NHSL3: variants seen among roughly 807,000 people sequenced by gnomAD.
NHSL3 encodes NHS-like protein 3.
At chr1:32,772,198 T>G in the NHSL3 span, 3 of 1,612,558 alleles carry the variant, frequency 1.9e-6, no homozygotes, top group African/African-American at 2.7e-5. Flanking sequence ...CCGGAGCATC[T>G]CAGAGCAGCG....
At chr1:32,772,978 C>T in the NHSL3 span, 9 of 1,298,878 alleles carry the variant, frequency 6.9e-6, no homozygotes, top group Middle Eastern at 3.7e-4. Flanking sequence ...ATACAGCAGA[C>T]ACAACCTAAT....
chr1:32,753,046 A>G, the NHSL3 span, among the ~76,000 whole-genome samples: 1 of 147,268 alleles, frequency 6.8e-6, no homozygotes, highest in Admixed American at 6.8e-5. Context: ...TTGGCTCACT[A>G]CAACCTCCAC....
chr1:32,766,896 G>GGGGCCAGGGCCA, the NHSL3 span, among the ~76,000 whole-genome samples: 2 of 152,168 alleles, frequency 1.3e-5, no homozygotes, highest in African/African-American at 2.4e-5. Flanking sequence ...CTCTGCAACA[G>GGGGCCAGGGCCA]GGGCCAGGGC....
the NHSL3 span, among the ~76,000 whole-genome samples, chr1:32,755,845 C>T: frequency 6.6e-6 from 1 of 152,208 alleles, no homozygotes; most frequent in Admixed American, 6.5e-5. Context: ...CTGTCTGTGC[C>T]TACCTGTCTC....
the NHSL3 span, chr1:32,771,610 C>G: frequency 6.2e-7 from 1 of 1,613,238 alleles, no homozygotes; most frequent in Non-Finnish European, 8.5e-7. Context: ...CTCCCCAGAG[C>G]TTGTCAGCTC....
the NHSL3 span, chr1:32,742,216 C>T: frequency 8.1e-7 from 1 of 1,239,032 alleles, no homozygotes. Context: ...CTGGGCTGAG[C>T]GCGGGGGGGC....
chr1:32,770,562 G>A, the NHSL3 span: 1 of 1,524,650 alleles, frequency 6.6e-7, no homozygotes, highest in Admixed American at 2.1e-5. This position sits in a 1 kb window ranked among gnomAD's most constrained non-coding sequence, Gnocchi z 8.3. Flanking sequence ...GCAGTGGGAG[G>A]GGCTCTCCCA....
At chr1:32,768,803 A>G in the NHSL3 span, 64 of 1,608,850 alleles carry the variant, frequency 4.0e-5, no homozygotes, top group Non-Finnish European at 5.4e-5. Flanking sequence ...GGAGAGGGAC[A>G]GTGGGCTCCA....
At chr1:32,750,689 G>A in the NHSL3 span, among the ~76,000 whole-genome samples, 3 of 151,830 alleles carry the variant, frequency 2.0e-5, no homozygotes, top group South Asian at 4.2e-4. Context: ...TGTATTTTTA[G>A]TAGAGACGGG....
the NHSL3 span, chr1:32,741,899 C>T: frequency 4.2e-5 from 9 of 216,258 alleles, no homozygotes; most frequent in Non-Finnish European, 7.0e-5. This position sits in a 1 kb window ranked among gnomAD's most constrained non-coding sequence, Gnocchi z 4.3. Flanking sequence ...CCGCCCCCGG[C>T]ATGGGCACCG....
the NHSL3 span, chr1:32,768,871 C>A: frequency 7.0e-7 from 1 of 1,434,806 alleles, no homozygotes; most frequent in Non-Finnish European, 9.5e-7. Context: ...ACCAGGCTCT[C>A]TGATTCAATG....
the NHSL3 span, among the ~76,000 whole-genome samples, chr1:32,752,410 C>G: frequency 3.0e-4 from 45 of 152,226 alleles, no homozygotes; most frequent in South Asian, 6.2e-4. Flanking sequence ...CTCTAGACTT[C>G]CAGCCCAGTG....
chr1:32,768,218 A>G, the NHSL3 span: 1 of 842,580 alleles, frequency 1.2e-6, no homozygotes. Flanking sequence ...TTTATCACAA[A>G]GGGCTACACT....
the NHSL3 span, among the ~76,000 whole-genome samples, chr1:32,752,248 C>T: frequency 1.3e-5 from 2 of 152,062 alleles, no homozygotes; most frequent in African/African-American, 4.8e-5. Context: ...AGAAGGGCCT[C>T]AGAGAGAGTT....
chr1:32,745,943 A>G, the NHSL3 span, among the ~76,000 whole-genome samples: 1 of 152,014 alleles, frequency 6.6e-6, no homozygotes. Context: ...AAAAGTTAAA[A>G]AAACAGGCCA....
the NHSL3 span, chr1:32,741,963 C>CCG: frequency 2.8e-6 from 3 of 1,087,246 alleles, no homozygotes; most frequent in Non-Finnish European, 3.4e-6. This position sits in a 1 kb window ranked among gnomAD's most constrained non-coding sequence, Gnocchi z 4.3. Flanking sequence ...CCATGGCGGC[C>CCG]CGCGCGCCCC....
At chr1:32,765,344 G>A in the NHSL3 span, among the ~76,000 whole-genome samples, 1 of 140,694 alleles carries the variant, frequency 7.1e-6, no homozygotes, top group Non-Finnish European at 1.6e-5. Flanking sequence ...CAGGAGGCTT[G>A]CAGGTGGGCA....
At chr1:32,755,826 C>T in the NHSL3 span, among the ~76,000 whole-genome samples, 55 of 152,324 alleles carry the variant, frequency 3.6e-4, no homozygotes, top group Middle Eastern at 3.4e-3. Flanking sequence ...CCCAGCAGTC[C>T]TGAAAGCCCT....
the NHSL3 span, among the ~76,000 whole-genome samples, chr1:32,769,519 A>G: frequency 6.6e-6 from 1 of 152,232 alleles, no homozygotes; most frequent in Non-Finnish European, 1.5e-5. Flanking sequence ...GTCTTACAGA[A>G]AGAAGCCTCT....
Sources: gnomAD v4.1 joint callset for allele counts (sites outside exome capture counted in the v4.1 genomes callset) on GRCh38, gnomAD v4.1.1 for gene constraint, Gnocchi (gnomAD v3.1) non-coding constraint, MANE v1.5 for transcripts, NCBI Gene and HGNC (gene_info 2026-07-23, HGNC 2026-07-21) for gene names.